EGFR: variants seen among roughly 807,000 people sequenced by gnomAD.
EGFR encodes the protein avian erythroblastic leukemia viral (v-erb-b) oncogene homolog.
In EGFR, 58 loss-of-function variants were observed where a neutral mutation model predicts 143.0. That is an observed-to-expected ratio of 0.41 (90% CI 0.33 to 0.50). The LOEUF is 0.50. EGFR is among the 20% of genes least tolerant of loss of function. The pLI is 0.39. For missense variants in EGFR, 1,307 were observed against 1,579.0 expected (o/e 0.83, Z 2.92); for synonymous variants, 613 against 594.4 (o/e 1.03, Z -0.45).
chr7:55,178,662 T>C (rs565902931), intron 19 of EGFR, among the ~76,000 whole-genome samples: 1 of 152,352 alleles, frequency 6.6e-6, no homozygotes, highest in South Asian at 2.1e-4. Flanking sequence ...TGACTTTTTA[T>C]AAACAAGCAC....
At chr7:55,090,936 A>T (rs1284015201) in intron 1 of EGFR, among the ~76,000 whole-genome samples, 1 of 152,208 alleles carries the variant, frequency 6.6e-6, no homozygotes, top group Non-Finnish European at 1.5e-5. Context: ...TACACAATAT[A>T]CTTTTGTATA....
At position 55,202,632 on chromosome 7, in the gene EGFR, G is replaced by A. The variant is rs1165853888; in HGVS notation, c.3271+7G>A. 2 of 1,606,580 alleles carry A rather than the reference G, an allele frequency of 1.2e-6. No homozygotes were observed. Among genetic ancestry groups the A allele is most frequent in the Non-Finnish European group, 1.7e-6 (2 of 1,176,588 alleles). On this transcript the variant is annotated splice_region_variant and intron_variant, in intron 27 of 27. Transcript: ENST00000275493. ...ACCTTCCTCCCAGTGCCTGGTGAGT[G>A]GCTTGTCTGGAAACAGTCCTGCTCC...
In EGFR at chr7:55,160,051, A is replaced by G. The variant is rs1055835288; in HGVS notation, c.1299-88A>G. ...ATCATTGGAAAGCAGTTTGTAGTCA[A>G]TCAAAGGTGGTCTGGAGAAACAAAG... On this transcript the variant is annotated intron_variant, in intron 11 of 27. Coordinates refer to ENST00000275493, the MANE Select transcript of EGFR (RefSeq NM_005228.5). 5 of 1,408,724 alleles carry G rather than the reference A, an allele frequency of 3.5e-6. No homozygotes were observed. In the African/African-American group the frequency reaches 4.3e-5, roughly 12 times the overall value. The allele number at this position is 1,408,724 out of a possible 1,614,324, so 87.3% of individuals were successfully genotyped here.
intron 19 of EGFR, among the ~76,000 whole-genome samples, chr7:55,177,093 C>G (rs150445149): frequency 1.1e-4 from 17 of 152,058 alleles, no homozygotes; most frequent in African/African-American, 4.1e-4. Flanking sequence ...GCGGCCATGT[C>G]CCCCCTCCTC....
intron 1 of EGFR, among the ~76,000 whole-genome samples, chr7:55,053,798 C>T (rs73414795): frequency 0.091 from 13,854 of 152,288 alleles, 1,291 homozygotes; most frequent in African/African-American, 0.23. Context: ...AGGAGGACAT[C>T]CGATTCCCAG....
rs1361980501 is a variant in EGFR at position 55,027,985 on chromosome 7, A to AT, written c.88+8620_88+8621insT. Among the ~76,000 whole-genome samples the AT allele has an allele frequency of 3.6e-5, 3 of 83,202 alleles. No homozygotes were observed. In the Admixed American group the frequency reaches 4.3e-4, roughly 12 times the overall value. The allele number at this position is 83,202 out of a possible 152,430, so 54.6% of individuals were successfully genotyped here. On this transcript the variant is annotated intron_variant, in intron 1 of 27. Coordinates refer to ENST00000275493, the MANE Select transcript of EGFR (RefSeq NM_005228.5). The stretch of plus-strand genomic sequence containing the variant: ...ATTCATGCCTTTATGTAAAAAAAAA[A>AT]AAAAAAATATATATATATATATATA...
In EGFR at chr7:55,129,381, C is replaced by G. The variant is rs1055403081; in HGVS notation, c.89-12905C>G. On this transcript the variant is annotated intron_variant, in intron 1 of 27. Transcript: ENST00000275493. ...AGGGCTGTAAGGTAGAGAAGCAATA[C>G]GTTGCATCTGTGTTAAGTCAAACAA... Among the ~76,000 whole-genome samples the G allele has an allele frequency of 2.6e-5, 4 of 152,224 alleles. No individual in the cohort carries two copies. The South Asian group carries it at 8.3e-4, about 31-fold the overall frequency.
At chr7:55,117,169 T>A (rs980786576) in intron 1 of EGFR, among the ~76,000 whole-genome samples, 1 of 152,232 alleles carries the variant, frequency 6.6e-6, no homozygotes, top group African/African-American at 2.4e-5. Flanking sequence ...CACATACATC[T>A]TCCATATCAA....
intron 1 of EGFR, among the ~76,000 whole-genome samples, chr7:55,052,161 C>T (rs1199408160): frequency 3.3e-5 from 5 of 152,122 alleles, no homozygotes; most frequent in Admixed American, 2.0e-4. Context: ...TTTAGTTTTC[C>T]CTTATCTAAA....
At chr7:55,121,602 T>C (rs1225493858) in intron 1 of EGFR, among the ~76,000 whole-genome samples, 1 of 152,194 alleles carries the variant, frequency 6.6e-6, no homozygotes, top group Non-Finnish European at 1.5e-5. Flanking sequence ...TATAGTTTTG[T>C]TCTCTCCATT....
chr7:55,022,087 G>A (rs746429918), intron 1 of EGFR, among the ~76,000 whole-genome samples: 6 of 152,136 alleles, frequency 3.9e-5, no homozygotes, highest in African/African-American at 1.4e-4. Flanking sequence ...CGGGCTGTCC[G>A]GCAGTCTGCA....
intron 5 of EGFR, among the ~76,000 whole-genome samples, chr7:55,152,020 T>A (rs559573071): frequency 1.5e-4 from 23 of 152,354 alleles, no homozygotes; most frequent in African/African-American, 5.0e-4. Flanking sequence ...TCTCCCTCCC[T>A]GGCTTTCTTT....
At chr7:55,139,121 C>T (rs765491201) in intron 1 of EGFR, among the ~76,000 whole-genome samples, 7 of 152,140 alleles carry the variant, frequency 4.6e-5, no homozygotes, top group African/African-American at 7.2e-5. Context: ...TTCCAATAAA[C>T]GCACTTTGGA....
chr7:55,086,067 C>T (rs1189118708), intron 1 of EGFR, among the ~76,000 whole-genome samples: 1 of 152,098 alleles, frequency 6.6e-6, no homozygotes, highest in Non-Finnish European at 1.5e-5. Flanking sequence ...TTGTGAAGTG[C>T]TGACTATGTG....
intron 22 of EGFR, among the ~76,000 whole-genome samples, chr7:55,193,079 G>C (rs774667866): frequency 6.7e-6 from 1 of 150,122 alleles, no homozygotes; most frequent in Non-Finnish European, 1.5e-5. Context: ...AGGGTGGGGG[G>C]TATGGGAGGG....
chr7:55,097,442 G>A (rs569482749), intron 1 of EGFR, among the ~76,000 whole-genome samples: 1 of 152,268 alleles, frequency 6.6e-6, no homozygotes, highest in Admixed American at 6.5e-5. Flanking sequence ...ATCCATCAAA[G>A]AGAAAATGGA....
At chr7:55,181,818 C>A (rs571122096) in intron 20 of EGFR, 4 of 373,848 alleles carry the variant, frequency 1.1e-5, no homozygotes, top group Admixed American at 7.8e-5. Context: ...TTGCTTCCCC[C>A]ATTCAGGACT....
At chr7:55,073,340 G>A (rs1369356113) in intron 1 of EGFR, among the ~76,000 whole-genome samples, 1 of 152,146 alleles carries the variant, frequency 6.6e-6, no homozygotes, top group Non-Finnish European at 1.5e-5. Flanking sequence ...ATGAGTGTAG[G>A]ACCTTCCCAG....
In EGFR at chr7:55,211,628, A is replaced by G. The variant is rs1788238116; in HGVS notation, c.*6011A>G. 6.6e-6 allele frequency: 1 copy of G among 152,178 alleles called. No individual in the cohort carries two copies. The allele number at this position is 152,178 out of a possible 1,614,324, so 9.4% of individuals were successfully genotyped here. ...AATAATAATGTATTCTTTGTTAACA[A>G]TGCCATGTTGGTACTAGTTATTAAT... On this transcript the variant is annotated 3_prime_UTR_variant, in exon 28 of 28. Transcript: ENST00000275493.
Sources: gnomAD v4.1 joint callset for allele counts (sites outside exome capture counted in the v4.1 genomes callset) on GRCh38, gnomAD v4.1.1 for gene constraint, MANE v1.5 for transcripts, NCBI Gene and HGNC (gene_info 2026-07-23, HGNC 2026-07-21) for gene names.